Variants in RIPK3 observed in about 807,000 individuals in gnomAD.
RIPK3 encodes receptor interacting serine/threonine kinase 3, also known as receptor-interacting serine/threonine-protein kinase 3.
RIPK3 carries 51 observed loss-of-function variants against 51.6 expected under a neutral mutation model. The ratio of observed to expected loss-of-function variants is 0.99; its 90% CI spans 0.79 to 1.25. The LOEUF (loss-of-function observed/expected upper bound fraction) is 1.25, where lower values mean the gene tolerates loss of function less well. RIPK3 is among the 50% of genes most tolerant of loss of function. The pLI is 0.00. For missense variants in RIPK3, 654 were observed against 650.4 expected, an observed-to-expected ratio of 1.01 and a Z score of -0.06; for synonymous variants, 246 against 257.7, an observed-to-expected ratio of 0.95 and a Z score of 0.44.
At position 24,339,616 on chromosome 14, in the gene RIPK3, C is replaced by T. The variant is rs759689551; in HGVS notation, c.21-19G>A. The T allele has an allele frequency of 9.9e-6, 16 of 1,613,320 alleles. No homozygotes were observed. In the Admixed American group the frequency reaches 1.3e-4, roughly 13 times the overall value. On this transcript the variant is annotated intron_variant, in intron 1 of 9. Coordinates refer to ENST00000216274, the MANE Select transcript of RIPK3 (RefSeq NM_006871.4). The surrounding 1 kb of genome is among the most constrained non-coding windows in gnomAD (Gnocchi z 4.0). ...GCTGGGCCTGAGAGAGGGGTGTCGC[C>T]CACTAGCCGGCCGTGCCGTGCCTCA...
Position 24,336,034 on chromosome 14 carries a change from A to C in RIPK3, c.*141T>G. The stretch of plus-strand genomic sequence containing the variant: ...CTGAGCTCAGACTGACTAGCATTCC[A>C]TCATGTTTATTGACTCCTGGGGGAC... On this transcript the variant is annotated 3_prime_UTR_variant, in exon 10 of 10. Transcript: ENST00000216274. The C allele has an allele frequency of 3.9e-6, 3 of 773,756 alleles. No homozygotes were observed. Among genetic ancestry groups the C allele is most frequent in the East Asian group, 5.8e-5 (2 of 34,202 alleles). The allele number at this position is 773,756 out of a possible 1,614,324, so 47.9% of individuals were successfully genotyped here.
rs186368014 is a variant in RIPK3, at chr14:24,336,393, G to A, written c.1339C>T (p.Arg447Ter). Residue 447 changes from arginine to a stop codon, truncating the protein, a stop_gained and splice_region_variant, in exon 10 of 10, where the codon CGA becomes TGA. Coordinates refer to ENST00000216274, the MANE Select transcript of RIPK3 (RefSeq NM_006871.4). LOFTEE classifies it low-confidence loss of function (END_TRUNC). The stretch of plus-strand genomic sequence containing the variant: ...CAGTTGTATATGTTAACGAGCGGTC[G>A]CCCTTTAAGAGAAATAGTGATGGTG... ...RTPEPNPVTGRPLVNIYNCSG... is the reference protein window; with the variant it reads ...RTPEPNPVTG The A allele has an allele frequency of 4.5e-5, 72 of 1,612,568 alleles. No individual in the cohort carries two copies. In the Admixed American group the frequency reaches 7.7e-4, roughly 17 times the overall value.
At chr14:24,338,670 G>C in intron 3 of RIPK3, 103 bp from the exon 4 acceptor site, 1 of 1,458,198 alleles carries the variant, frequency 6.9e-7, no homozygotes, top group South Asian at 1.4e-5. Context: ...CTTTGTAAAG[G>C]GAGTGTGGAG....
At chr14:24,337,650 G>T in intron 7 of RIPK3, 45 bp downstream of exon 7, 1 of 1,549,942 alleles carries the variant, frequency 6.5e-7, no homozygotes, top group Non-Finnish European at 8.9e-7. Context: ...GCCACGCTGT[G>T]CCATCCCTGA....
intron 9 of RIPK3, 93 bp from the exon 10 acceptor site, chr14:24,336,488 G>A: frequency 2.0e-6 from 3 of 1,526,892 alleles, no homozygotes; most frequent in Admixed American, 1.9e-5. Context: ...CTACTTGTCA[G>A]TGGCTGTGTC....
chr14:24,337,762 T>A lies in RIPK3; in HGVS notation c.833A>T (p.Glu278Val). The part of the protein sequence containing the change: ...SEPKDRPSFQ[E>V]CLPKTDEVFQ... The stretch of plus-strand genomic sequence containing the variant: ...GACTTCATCAGTTTTTGGTAGGCAT[T>A]CTAGAGGGACAGCAGAGTGGAGTGC... The change falls in exon 7 of 10, where the codon GAA becomes GTA. Residue 278 changes from glutamate to valine, a missense_variant and splice_region_variant. Physicochemically the swap from Glu to Val is moderately radical, Grantham distance 121. Transcript: ENST00000216274. 6.2e-7 allele frequency: 1 copy of A among 1,613,988 alleles called. No individual in the cohort carries two copies. Among genetic ancestry groups the A allele is most frequent in the Non-Finnish European group, 8.5e-7 (1 of 1,179,934 alleles).
intron 9 of RIPK3, 53 bp from the exon 10 acceptor site, chr14:24,336,448 A>G (rs946439416): frequency 1.8e-5 from 29 of 1,585,408 alleles, no homozygotes; most frequent in Non-Finnish European, 1.5e-5. Flanking sequence ...AGAAAGGCCA[A>G]GTTGGGGGTG....
rs148293187 is a variant in RIPK3 at position 24,337,961 on chromosome 14, G to A, written c.744C>T (p.Ala248=). 8 of 1,614,122 alleles carry A rather than the reference G, an allele frequency of 5.0e-6. No homozygotes were observed. The highest frequency in any genetic ancestry group is 1.3e-5 in the African/African-American group (1 of 74,934). The change falls in exon 6 of 10, where the codon GCC becomes GCT. Residue 248 remains alanine, a synonymous_variant. Transcript: ENST00000216274. ...CTTCTAAGCCGGGAGTCTCAGGCCCGGCTTGGGGCAGCTCAGCCAATGAAG... is the reference window on the plus strand; with the variant it reads ...CTTCTAAGCCGGGAGTCTCAGGCCCAGCTTGGGGCAGCTCAGCCAATGAAG... ...NRPSLAELPQ[A]GPETPGLEGL... is the part of the protein sequence containing the mutation.
At position 24,336,293 on chromosome 14, in the gene RIPK3, G is replaced by C. The variant is rs148539168; in HGVS notation, c.1439C>G (p.Ala480Gly). ...QTTALPTWGL[A>G]PSGKGRGLQH... ...CAAGCCCCTCCCCTTGCCCGAAGGTGCCAAGCCCCATGTGGGCAAGGCAGT... is the reference window on the plus strand; with the variant it reads ...CAAGCCCCTCCCCTTGCCCGAAGGTCCCAAGCCCCATGTGGGCAAGGCAGT... Residue 480 changes from alanine to glycine, a missense_variant, in exon 10 of 10, where the codon GCA (alanine) becomes GGA (glycine). Physicochemically the swap from Ala to Gly is moderately conservative, Grantham distance 60. Transcript: ENST00000216274. The C allele has an allele frequency of 6.2e-7, 1 of 1,613,912 alleles. No homozygotes were observed. The highest frequency in any genetic ancestry group is 1.3e-5 in the African/African-American group (1 of 74,938).
Position 24,336,249 on chromosome 14 carries a change from C to G in RIPK3, c.1483G>C (p.Gly495Arg), listed in dbSNP as rs755894900. The change falls in exon 10 of 10, where the codon GGT (glycine) becomes CGT (arginine). Residue 495 changes from glycine to arginine, a missense_variant. Transcript: ENST00000216274. ...GRGLQHPPPV[G>R]SQEGPKDPEA... ...GGATCTTTAGGGCCTTCTTGCGAACCTACTGGTGGGGGGTGCTGCAAGCCC... is the reference window on the plus strand; with the variant it reads ...GGATCTTTAGGGCCTTCTTGCGAACGTACTGGTGGGGGGTGCTGCAAGCCC... The G allele has an allele frequency of 3.7e-6, 6 of 1,613,972 alleles. No individual in the cohort carries two copies. The South Asian group carries it at 5.5e-5, about 15-fold the overall frequency.
chr14:24,336,475 T>A (rs902798625), intron 9 of RIPK3, 80 bp from the exon 10 acceptor site: 1 of 1,539,890 alleles, frequency 6.5e-7, no homozygotes, highest in Non-Finnish European at 8.7e-7. Flanking sequence ...GAGTATGAAG[T>A]CTCTACTTGT....
rs749917612 is a variant in RIPK3 at position 24,337,761 on chromosome 14, T to G, written c.834A>C (p.Glu278Asp). The G allele has an allele frequency of 6.2e-7, 1 of 1,613,996 alleles. No individual in the cohort carries two copies. The highest frequency in any genetic ancestry group is 2.2e-5 in the East Asian group (1 of 44,884). The change falls in exon 7 of 10, where the codon GAA becomes GAC. Residue 278 changes from glutamate to aspartate, a missense_variant and splice_region_variant. Glu to Asp is a conservative substitution (Grantham distance 45). Coordinates refer to ENST00000216274, the MANE Select transcript of RIPK3 (RefSeq NM_006871.4). Reference protein sequence around the residue: ...SEPKDRPSFQECLPKTDEVFQ... With the variant: ...SEPKDRPSFQDCLPKTDEVFQ... ...AGACTTCATCAGTTTTTGGTAGGCA[T>G]TCTAGAGGGACAGCAGAGTGGAGTG...
chr14:24,336,688 A>G (rs2042139182), intron 9 of RIPK3, 197 bp downstream of exon 9: 2 of 691,612 alleles, frequency 2.9e-6, no homozygotes, highest in Middle Eastern at 3.2e-4. Flanking sequence ...TCAGGGACAA[A>G]TCCAAGCTTT....
In RIPK3 at chr14:24,338,819, G is replaced by A. The variant is rs2042160680; in HGVS notation, c.471+196C>T. ...GGCAGCTGGTGGAAATGACTCGTGT[G>A]GCTCAGGGCCTCTATCACCTGGTAG... On this transcript the variant is annotated intron_variant, in intron 3 of 9. Transcript: ENST00000216274. The A allele has an allele frequency of 4.5e-6, 3 of 670,024 alleles. No homozygotes were observed. In the Admixed American group the frequency reaches 8.8e-5, roughly 20 times the overall value. 41.5% of individuals were successfully genotyped at this position (670,024 alleles called of 1,614,324 possible).
rs762606455 is a variant in RIPK3 at position 24,339,637 on chromosome 14, C to G, written c.21-40G>C. 6 of 1,611,738 alleles carry G rather than the reference C, an allele frequency of 3.7e-6. No homozygotes were observed. Among genetic ancestry groups the G allele is most frequent in the Admixed American group, 1.7e-5 (1 of 59,878 alleles). ...TCGCCCACTAGCCGGCCGTGCCGTG[C>G]CTCAGCGCTGCTCCCCGCGCCCCTG... On this transcript the variant is annotated intron_variant, in intron 1 of 9. Transcript: ENST00000216274. This position sits in a 1 kb window ranked among gnomAD's most constrained non-coding sequence, Gnocchi z 4.0.
chr14:24,338,010 G>A lies in RIPK3; in HGVS notation c.695C>T (p.Ala232Val). The stretch of plus-strand genomic sequence containing the variant: ...AGGCCGGTTCTGCCTGTTGCACACT[G>A]CTTCGTACACGAGTGATGGTTCGGT... The part of the protein sequence containing the change: ...LPTEPSLVYE[A>V]VCNRQNRPSL... The change falls in exon 6 of 10, where the codon GCA becomes GTA. Residue 232 changes from alanine (A) to valine (V), a missense_variant. Physicochemically the swap from Ala to Val is moderately conservative, Grantham distance 64. Coordinates refer to ENST00000216274, the MANE Select transcript of RIPK3 (RefSeq NM_006871.4). 6.2e-7 allele frequency: 1 copy of A among 1,614,208 alleles called. No homozygotes were observed. The highest frequency in any genetic ancestry group is 2.2e-5 in the East Asian group (1 of 44,894).
intron 3 of RIPK3, chr14:24,338,774 C>G: frequency 1.3e-6 from 1 of 756,244 alleles, no homozygotes; most frequent in Non-Finnish European, 2.1e-6. Context: ...TCAGCCATGA[C>G]TCTTTGGAGG....
At position 24,338,501 on chromosome 14, in the gene RIPK3, CT is replaced by C; in HGVS notation, c.537del (p.Gly181AlafsTer14). On this transcript the variant is annotated frameshift_variant, in exon 4 of 10. Coordinates refer to ENST00000216274, the MANE Select transcript of RIPK3 (RefSeq NM_006871.4). LOFTEE classifies it high-confidence loss of function. Reference protein sequence around the residue: ...GSQSGTGSGEPGGTLGYLAPE... With the variant: ...GSQSGTGSGEXGGTLGYLAPE... ...GGGGCCAAGTAGCCCAGGGTGCCCC[CT>C]GGCTCCCCGGACCCTGTCCCTGACT... 1.9e-6 allele frequency: 3 copies of C among 1,613,852 alleles called. No individual in the cohort carries two copies. The highest frequency in any genetic ancestry group is 2.5e-6 in the Non-Finnish European group (3 of 1,179,746).
At chr14:24,338,694 G>A (rs1461674639) in intron 3 of RIPK3, 127 bp from the exon 4 acceptor site, 1 of 1,313,170 alleles carries the variant, frequency 7.6e-7, no homozygotes, top group Non-Finnish European at 1.0e-6. Context: ...AAGGGAAGAG[G>A]TTCCCTTGGA....
Sources: gnomAD v4.1 joint callset for allele counts on GRCh38, gnomAD v4.1.1 for gene constraint, Gnocchi (gnomAD v3.1) non-coding constraint, MANE v1.5 for transcripts, NCBI Gene and HGNC (gene_info 2026-07-23, HGNC 2026-07-21) for gene names.